The following CAMK1D variants were observed in gnomAD, a reference collection of about 807,000 sequenced individuals.
The protein encoded by CAMK1D is calcium/calmodulin-dependent protein kinase type 1D.
In CAMK1D, 9 loss-of-function variants were observed where a neutral mutation model predicts 47.7. The observed-to-expected ratio is 0.19, with a 90% confidence interval of 0.11 to 0.33. The LOEUF (loss-of-function observed/expected upper bound fraction) is 0.33, where lower values mean the gene tolerates loss of function less well. Ranked by LOEUF, CAMK1D falls within the 10% of genes least tolerant of loss-of-function variation. CAMK1D has a pLI of 1.00. For synonymous variants in CAMK1D, 184 were observed against 184.9 expected (o/e 0.99, Z 0.04); for missense variants, 291 against 488.7 (o/e 0.60, Z 3.81).
At chr10:12,510,681 C>G (rs924609753) in intron 1 of CAMK1D, among the ~76,000 whole-genome samples, 1 of 152,162 alleles carries the variant, frequency 6.6e-6, no homozygotes, top group African/African-American at 2.4e-5. Context: ...CCAAGAGTCA[C>G]CAATGACAGG....
intron 3 of CAMK1D, among the ~76,000 whole-genome samples, chr10:12,697,679 G>A (rs777015242): frequency 4.6e-5 from 7 of 152,196 alleles, no homozygotes; most frequent in Admixed American, 2.0e-4. Flanking sequence ...GATTGCAGGC[G>A]TGAGCCACTC....
Position 12,632,610 on chromosome 10 carries a change from G to C in CAMK1D, c.225-34126G>C, listed in dbSNP as rs538942434. ...GTCAGGTGTATTTATTTCTGTTTTA[G>C]AGATGAAGAATATGAAACTCCAAGA... On this transcript the variant is annotated intron_variant, in intron 2 of 10. Coordinates refer to ENST00000619168, the MANE Select transcript of CAMK1D (RefSeq NM_153498.4). 5.5e-4 allele frequency among the ~76,000 whole-genome samples: 84 copies of C among 152,322 alleles called. 1 individual carries two copies. In the South Asian group the frequency reaches 6.8e-3, roughly 12 times the overall value.
chr10:12,542,034 C>T (rs773443154), intron 1 of CAMK1D, among the ~76,000 whole-genome samples: 2 of 152,016 alleles, frequency 1.3e-5, no homozygotes, highest in African/African-American at 2.4e-5. Flanking sequence ...ACCACCATGG[C>T]AGGATAATTT....
chr10:12,477,533 A>C (rs998482456), intron 1 of CAMK1D, among the ~76,000 whole-genome samples: 1 of 152,008 alleles, frequency 6.6e-6, no homozygotes, highest in Admixed American at 6.6e-5. Context: ...GTCCCATTCT[A>C]CTCTCTTCAT....
At chr10:12,687,199 C>T (rs1468917005) in intron 3 of CAMK1D, among the ~76,000 whole-genome samples, 1 of 151,284 alleles carries the variant, frequency 6.6e-6, no homozygotes, top group African/African-American at 2.4e-5. Context: ...TGACTTGGGT[C>T]TTTAATTATC....
At chr10:12,639,257 G>T (rs944041509) in intron 2 of CAMK1D, among the ~76,000 whole-genome samples, 1 of 152,166 alleles carries the variant, frequency 6.6e-6, no homozygotes, top group Non-Finnish European at 1.5e-5. Flanking sequence ...AGGCCAAAGC[G>T]GGTGGATCAC....
chr10:12,779,470 C>T (rs1837399060), intron 5 of CAMK1D, among the ~76,000 whole-genome samples: 2 of 152,072 alleles, frequency 1.3e-5, no homozygotes, highest in Non-Finnish European at 2.9e-5. Flanking sequence ...GTCTCTGTCC[C>T]CCAGGCTGGA....
At chr10:12,690,263 C>T (rs1832824952) in intron 3 of CAMK1D, among the ~76,000 whole-genome samples, 1 of 152,140 alleles carries the variant, frequency 6.6e-6, no homozygotes, top group South Asian at 2.1e-4. Context: ...TGTGTCTTGA[C>T]TCATTTCATA....
chr10:12,631,231 A>G (rs909599079), intron 2 of CAMK1D, among the ~76,000 whole-genome samples: 2 of 152,210 alleles, frequency 1.3e-5, no homozygotes, highest in African/African-American at 4.8e-5. Flanking sequence ...TTTGTGAGAA[A>G]TGGGAAAGTT....
intron 2 of CAMK1D, among the ~76,000 whole-genome samples, chr10:12,596,879 G>GT (rs1238827170): frequency 2.0e-5 from 3 of 151,766 alleles, no homozygotes; most frequent in Middle Eastern, 3.4e-3. Flanking sequence ...TTTTCTTGTG[G>GT]TTTTTTTAGG....
In CAMK1D at chr10:12,716,854, C is replaced by A. The variant is rs377323878; in HGVS notation, c.300-44094C>A. Among the ~76,000 whole-genome samples the A allele has an allele frequency of 2.0e-5, 3 of 152,066 alleles. No homozygotes were observed. In the East Asian group the frequency reaches 5.8e-4, roughly 29 times the overall value. On this transcript the variant is annotated intron_variant, in intron 3 of 10. Transcript: ENST00000619168. ...GAGGCCAGGCTGGTACCATCACCCG[C>A]GGCCTGGCTGTCGGGACTCTCTTAC...
At chr10:12,451,347 G>A (rs79494838) in intron 1 of CAMK1D, among the ~76,000 whole-genome samples, 3,561 of 152,298 alleles carry the variant, frequency 0.023, 142 homozygotes, top group African/African-American at 0.078. Flanking sequence ...CTGGCCAGCT[G>A]GGTAAGTCTG....
At chr10:12,821,191 G>A (rs972644260) in intron 8 of CAMK1D, among the ~76,000 whole-genome samples, 2 of 152,284 alleles carry the variant, frequency 1.3e-5, no homozygotes, top group East Asian at 1.9e-4. Flanking sequence ...CATGAGGGCC[G>A]TCGACTGATT....
At chr10:12,709,909 T>C (rs571511022) in intron 3 of CAMK1D, among the ~76,000 whole-genome samples, 1 of 152,286 alleles carries the variant, frequency 6.6e-6, no homozygotes, top group African/African-American at 2.4e-5. Flanking sequence ...AGGAAGGGAA[T>C]TGAAGGACGC....
intron 3 of CAMK1D, among the ~76,000 whole-genome samples, chr10:12,692,263 T>C (rs1019130644): frequency 2.0e-5 from 3 of 152,170 alleles, no homozygotes; most frequent in African/African-American, 7.2e-5. Context: ...GTTGTGCTAT[T>C]GATGCAAGAC....
intron 5 of CAMK1D, among the ~76,000 whole-genome samples, chr10:12,787,273 G>A (rs1837769595): frequency 6.6e-6 from 1 of 152,250 alleles, no homozygotes; most frequent in Non-Finnish European, 1.5e-5. Context: ...GATTGAGGGT[G>A]AAATGTGTCA....
intron 1 of CAMK1D, among the ~76,000 whole-genome samples, chr10:12,410,437 G>C (rs1299627465): frequency 1.3e-5 from 2 of 152,130 alleles, no homozygotes; most frequent in Non-Finnish European, 2.9e-5. Flanking sequence ...ACCTCCTGAA[G>C]GTGTTGACAG....
intron 2 of CAMK1D, among the ~76,000 whole-genome samples, chr10:12,623,933 G>C (rs11818197): frequency 1.3e-5 from 2 of 151,972 alleles, no homozygotes; most frequent in African/African-American, 4.8e-5. Flanking sequence ...ACAAAAATTA[G>C]CTAGGCATAG....
chr10:12,631,116 G>A (rs1294941632), intron 2 of CAMK1D, among the ~76,000 whole-genome samples: 1 of 152,172 alleles, frequency 6.6e-6, no homozygotes, highest in Non-Finnish European at 1.5e-5. Flanking sequence ...ATTTTTGTGT[G>A]TATAAAATAT....
Sources: gnomAD v4.1 joint callset for allele counts (sites outside exome capture counted in the v4.1 genomes callset) on GRCh38, gnomAD v4.1.1 for gene constraint, MANE v1.5 for transcripts, NCBI Gene and HGNC (gene_info 2026-07-23, HGNC 2026-07-21) for gene names.